Variants in CPNE1 observed in about 807,000 individuals in gnomAD.
CPNE1 encodes copine 1, also known as copine-1.
In CPNE1, 58 loss-of-function variants were observed where a neutral mutation model predicts 63.2. The observed-to-expected ratio is 0.92, with a 90% CI of 0.74 to 1.14. The LOEUF is 1.14. CPNE1 is among the 50% of genes most tolerant of loss of function. CPNE1 has a pLI of 0.00. For missense variants in CPNE1, 672 were observed against 661.7 expected, an observed-to-expected ratio of 1.02 and a Z score of -0.17; for synonymous variants, 237 against 249.0, an observed-to-expected ratio of 0.95 and a Z score of 0.45.
chr20:35,645,302 T>A (rs1193980653), intron 1 of CPNE1, among the ~76,000 whole-genome samples: 4 of 152,172 alleles, frequency 2.6e-5, no homozygotes, highest in African/African-American at 9.7e-5. Context: ...AGAATTTACA[T>A]GTTAGGGAAG....
In CPNE1 at chr20:35,630,449, G is replaced by C; in HGVS notation, c.1092C>G (p.Pro364=). The stretch of plus-strand genomic sequence containing the variant: ...GATGGGGAAACTTACCTGCACAGTA[G>C]GGGTTACTGGGGTTGAAATTCAAGG... ...EFALNFNPSN[P]YCAGIQGIVD... is the part of the protein sequence containing the mutation. Residue 364 remains proline, a synonymous_variant, in exon 13 of 16, where the codon CCC becomes CCG. Coordinates refer to ENST00000397443, the MANE Select transcript of CPNE1 (RefSeq NM_152925.3). The C allele has an allele frequency of 1.2e-6, 2 of 1,614,128 alleles. No individual in the cohort carries two copies. The highest frequency in any genetic ancestry group is 1.7e-6 in the Non-Finnish European group (2 of 1,179,962).
At chr20:35,633,901 G>C (rs376976442) in intron 1 of CPNE1, among the ~76,000 whole-genome samples, 21,725 of 148,632 alleles carry the variant, frequency 0.15, 1,622 homozygotes, top group Middle Eastern at 0.19. Context: ...GGAGGTTGCA[G>C]TGAGCCGAGA....
In CPNE1 at chr20:35,630,805, G is replaced by A; in HGVS notation, c.996-10C>T. 6.2e-7 allele frequency: 1 copy of A among 1,612,768 alleles called. No homozygotes were observed. Among genetic ancestry groups the A allele is most frequent in the Non-Finnish European group, 8.5e-7 (1 of 1,179,438 alleles). ...AGGGAACAGCTTGTCTCTGTGGGAG[G>A]ACAGTGTATTGGGCAAAAGGCAGTG... On this transcript the variant is annotated splice_polypyrimidine_tract_variant and intron_variant, in intron 11 of 15. Coordinates refer to ENST00000397443, the MANE Select transcript of CPNE1 (RefSeq NM_152925.3).
At chr20:35,655,492 A>G in intron 1 of CPNE1, 1 of 710,772 alleles carries the variant, frequency 1.4e-6, no homozygotes, top group Non-Finnish European at 2.2e-6. Flanking sequence ...TATTCTAAAA[A>G]CTGAACATTA....
chr20:35,646,144 T>A (rs1481042753), intron 1 of CPNE1, among the ~76,000 whole-genome samples: 22 of 128,944 alleles, frequency 1.7e-4, no homozygotes, highest in Middle Eastern at 4.7e-3. Context: ...AAAAAAAAAA[T>A]AGCTACTTAG....
intron 1 of CPNE1, among the ~76,000 whole-genome samples, chr20:35,639,668 TC>T (rs1040683497): frequency 6.6e-6 from 1 of 152,148 alleles, no homozygotes; most frequent in Non-Finnish European, 1.5e-5. Flanking sequence ...CTACAGGTCC[TC>T]CCCCTGGTAA....
At chr20:35,659,888 GAGA>G (rs1342568927) in intron 1 of CPNE1, among the ~76,000 whole-genome samples, 2 of 152,080 alleles carry the variant, frequency 1.3e-5, no homozygotes, top group African/African-American at 4.8e-5. Flanking sequence ...AATTCGGAGA[GAGA>G]AGAAATTTGC....
chr20:35,646,355 C>A (rs1246894618), intron 1 of CPNE1, among the ~76,000 whole-genome samples: 1 of 143,356 alleles, frequency 7.0e-6, no homozygotes, highest in Non-Finnish European at 1.5e-5. Context: ...TGGTTGTTAT[C>A]ATTTGATATG....
At chr20:35,644,762 T>C (rs1019388187) in intron 1 of CPNE1, among the ~76,000 whole-genome samples, 5 of 152,246 alleles carry the variant, frequency 3.3e-5, no homozygotes, top group African/African-American at 1.2e-4. Context: ...TCATGATCTA[T>C]GCTAATGTTA....
Position 35,630,419 on chromosome 20 carries a change from G to A in CPNE1, c.1102+20C>T, listed in dbSNP as rs369359334. On this transcript the variant is annotated intron_variant, in intron 13 of 15. Transcript: ENST00000397443. The stretch of plus-strand genomic sequence containing the variant: ...TCTTTGTGTGGACAGACCTGCCTCA[G>A]GGTGGATGGGGAAACTTACCTGCAC... The A allele has an allele frequency of 6.2e-6, 10 of 1,612,100 alleles. No individual in the cohort carries two copies. The East Asian group carries it at 2.2e-4, about 36-fold the overall frequency.
intron 1 of CPNE1, among the ~76,000 whole-genome samples, chr20:35,644,999 G>A (rs2033025175): frequency 6.6e-6 from 1 of 152,026 alleles, no homozygotes; most frequent in Non-Finnish European, 1.5e-5. Context: ...CATCCCTCCC[G>A]GCTGAAATCT....
rs2032189639 is a variant in CPNE1 at position 35,632,102 on chromosome 20, C to T, written c.456+61G>A. 3.7e-6 allele frequency: 6 copies of T among 1,600,560 alleles called. No individual in the cohort carries two copies. The South Asian group carries it at 5.5e-5, about 15-fold the overall frequency. On this transcript the variant is annotated intron_variant, in intron 5 of 15. Coordinates refer to ENST00000397443, the MANE Select transcript of CPNE1 (RefSeq NM_152925.3). Reference sequence around the variant, plus strand: ...CCATCCCTCTGTCCACACCCCCATCCCCCATACACCATCCTTGGCCCCTTA... The same window carrying T: ...CCATCCCTCTGTCCACACCCCCATCTCCCATACACCATCCTTGGCCCCTTA...
intron 11 of CPNE1, 37 bp from the exon 12 acceptor site, chr20:35,630,832 G>C: frequency 1.2e-6 from 2 of 1,608,228 alleles, no homozygotes; most frequent in Non-Finnish European, 1.7e-6. Context: ...AAGGCAGTGA[G>C]GGGACTGTAA....
chr20:35,654,109 G>A (rs1376691149), intron 1 of CPNE1: 1 of 1,614,208 alleles, frequency 6.2e-7, no homozygotes, highest in Non-Finnish European at 8.5e-7. Flanking sequence ...AAGTGTCTGA[G>A]GAGGGGGATG....
intron 1 of CPNE1, chr20:35,649,513 G>C (rs2033352578): frequency 6.6e-6 from 1 of 152,616 alleles, no homozygotes; most frequent in African/African-American, 2.4e-5. Context: ...TTTCATTGTT[G>C]ATGCTTTGAC....
chr20:35,632,467 T>G (rs1601424684), intron 3 of CPNE1, 50 bp downstream of exon 3: 1 of 1,605,328 alleles, frequency 6.2e-7, no homozygotes, highest in Non-Finnish European at 8.5e-7. Flanking sequence ...GCAGGCTAGG[T>G]TGTCTCACAG....
At chr20:35,656,323 C>T (rs1009238945) in intron 1 of CPNE1, among the ~76,000 whole-genome samples, 1 of 152,166 alleles carries the variant, frequency 6.6e-6, no homozygotes, top group Non-Finnish European at 1.5e-5. Context: ...CTGTGATCTC[C>T]TTAGATCATG....
Position 35,632,592 on chromosome 20 carries a change from G to A in CPNE1, c.234C>T (p.Ile78=). Reference sequence around the variant, plus strand: ...CTGGCGTCTTGTTGTCTATGTCATAGATTCCAAAGCGTAGCTTCTGGACTG... The same window carrying A: ...CTGGCGTCTTGTTGTCTATGTCATAAATTCCAAAGCGTAGCTTCTGGACTG... ...FETVQKLRFG[I]YDIDNKTPEL... The change falls in exon 3 of 16, where the codon ATC becomes ATT. Residue 78 remains isoleucine (I), a synonymous_variant. Transcript: ENST00000397443. 1 of 1,612,184 alleles carries A rather than the reference G, an allele frequency of 6.2e-7. No homozygotes were observed. The highest frequency in any genetic ancestry group is 1.1e-5 in the South Asian group (1 of 91,054).
intron 12 of CPNE1, 64 bp downstream of exon 12, chr20:35,630,677 C>T: frequency 1.3e-6 from 2 of 1,583,508 alleles, no homozygotes; most frequent in East Asian, 4.5e-5. Context: ...GTAAATTTAC[C>T]ACATCCCCCA....
Sources: gnomAD v4.1 joint callset for allele counts (sites outside exome capture counted in the v4.1 genomes callset) on GRCh38, gnomAD v4.1.1 for gene constraint, MANE v1.5 for transcripts, NCBI Gene and HGNC (gene_info 2026-07-23, HGNC 2026-07-21) for gene names.